The following EFEMP2 variants were observed in gnomAD, a reference collection of about 807,000 sequenced individuals.
EFEMP2 encodes EGF-containing fibulin-like extracellular matrix protein 2.
A neutral mutation model predicts 55.3 loss-of-function variants in EFEMP2; 21 were observed. The observed-to-expected ratio is 0.38, with a 90% CI of 0.27 to 0.55. The LOEUF is 0.55. Ranked by LOEUF, EFEMP2 falls within the 20% of genes least tolerant of loss-of-function variation. The probability of loss-of-function intolerance (pLI) is 0.77; values close to 1 mark genes in which losing one functional copy is unlikely to be tolerated. For missense variants in EFEMP2, 513 were observed against 615.1 expected, an observed-to-expected ratio of 0.83 and a Z score of 1.76; for synonymous variants, 275 against 242.3, an observed-to-expected ratio of 1.14 and a Z score of -1.25.
chr11:65,868,785 G>A lies in EFEMP2; in HGVS notation c.728-156C>T, dbSNP rs1419419813. On this transcript the variant is annotated intron_variant, in intron 7 of 10. Transcript: ENST00000307998. Reference sequence around the variant, plus strand: ...CACAAGTTCAGCCGGGAGATGGAGGGTTCAAAGAAAGTTTGCCCAGGCTGC... The same window carrying A: ...CACAAGTTCAGCCGGGAGATGGAGGATTCAAAGAAAGTTTGCCCAGGCTGC... The A allele has an allele frequency of 5.5e-6, 6 of 1,084,498 alleles. No individual in the cohort carries two copies. In the African/African-American group the frequency reaches 7.7e-5, roughly 14 times the overall value. 67.2% of individuals were successfully genotyped at this position (1,084,498 alleles called of 1,614,324 possible).
In EFEMP2 at chr11:65,869,078, T is replaced by C. The variant is rs1321369662; in HGVS notation, c.728-449A>G. 8 of 280,678 alleles carry C rather than the reference T, an allele frequency of 2.9e-5. No homozygotes were observed. In the East Asian group the frequency reaches 6.9e-4, roughly 24 times the overall value. The allele number at this position is 280,678 out of a possible 1,614,324, so 17.4% of individuals were successfully genotyped here. A position where few individuals can be genotyped will look rare whatever the true frequency, so the allele number is the denominator to read the frequency against. On this transcript the variant is annotated intron_variant, in intron 7 of 10. Coordinates refer to ENST00000307998, the MANE Select transcript of EFEMP2 (RefSeq NM_016938.5). ...CACAGGCAGAACATTTCCTTTCTCT[T>C]GTTCCCCTCATGCTGCCAGGTAGCA... is the stretch of plus-strand genomic sequence containing the variant.
rs1030814866 is a variant in EFEMP2, at chr11:65,867,331, T to C, written c.1171-252A>G. ...CCTGCTCTGTCTGACCCAGGCTAAC[T>C]GACGATTCAAGGCCACATGTGGCTC... On this transcript the variant is annotated intron_variant, in intron 10 of 10. Coordinates refer to ENST00000307998, the MANE Select transcript of EFEMP2 (RefSeq NM_016938.5). 7.1e-6 allele frequency: 4 copies of C among 567,156 alleles called. No homozygotes were observed. In the African/African-American group the frequency reaches 7.5e-5, roughly 11 times the overall value. 35.1% of individuals were successfully genotyped at this position (567,156 alleles called of 1,614,324 possible). A position where few individuals can be genotyped will look rare whatever the true frequency, so the allele number is the denominator to read the frequency against.
intron 4 of EFEMP2, 145 bp downstream of exon 4, chr11:65,871,012 C>T (rs1859955327): frequency 9.6e-6 from 10 of 1,040,894 alleles, no homozygotes; most frequent in South Asian, 2.8e-5. Context: ...GGGCCACCTG[C>T]GGCAGGTCCT....
Position 65,868,358 on chromosome 11 carries a change from T to C in EFEMP2, c.911A>G (p.His304Arg). 1 of 1,613,816 alleles carries C rather than the reference T, an allele frequency of 6.2e-7. No homozygotes were observed. Among genetic ancestry groups the C allele is most frequent in the Admixed American group, 1.7e-5 (1 of 60,018 alleles). Residue 304 changes from histidine (H) to arginine (R), a missense_variant, in exon 9 of 11, where the codon CAT (histidine) becomes CGT (arginine). Coordinates refer to ENST00000307998, the MANE Select transcript of EFEMP2 (RefSeq NM_016938.5). ...CSEAQTCVNF[H>R]GGYRCVDTNR... Reference sequence around the variant, plus strand: ...GGTGTCCACGCAGCGGTAGCCCCCATGGAAGTTGACACAGGTTTGGGCCTC... The same window carrying C: ...GGTGTCCACGCAGCGGTAGCCCCCACGGAAGTTGACACAGGTTTGGGCCTC...
chr11:65,872,148 A>G, intron 2 of EFEMP2, 96 bp downstream of exon 2: 1 of 1,486,892 alleles, frequency 6.7e-7, no homozygotes, highest in Non-Finnish European at 9.2e-7. Flanking sequence ...TCCACCAGCC[A>G]GGGGAGGAAG....
At chr11:65,868,946 T>G (rs1859915037) in intron 7 of EFEMP2, 1 of 395,518 alleles carries the variant, frequency 2.5e-6, no homozygotes, top group South Asian at 2.1e-5. Context: ...AATGAGTGTG[T>G]TAGACTAGAT....
At chr11:65,870,428 T>C (rs1194403155) in intron 5 of EFEMP2, 108 bp downstream of exon 5, 1 of 1,545,034 alleles carries the variant, frequency 6.5e-7, no homozygotes, top group Non-Finnish European at 8.9e-7. Context: ...GAGGGTGAGG[T>C]GGCAGGGGCC....
rs1398415449 is a variant in EFEMP2, at chr11:65,871,194, T to C, written c.330A>G (p.Pro110=). ...CCTGATCGTCGGGCTCATAGCCTGG[T>C]GGGCAGGGGTTGGGGTGTTGAGCGG... ...VPPAQHPNPC[P]PGYEPDDQDS... Residue 110 remains proline (P), a synonymous_variant, in exon 4 of 11, where the codon CCA becomes CCG. Coordinates refer to ENST00000307998, the MANE Select transcript of EFEMP2 (RefSeq NM_016938.5). 5 of 1,614,124 alleles carry C rather than the reference T, an allele frequency of 3.1e-6. No individual in the cohort carries two copies. The South Asian group carries it at 4.4e-5, about 14-fold the overall frequency.
intron 9 of EFEMP2, 46 bp from the exon 10 acceptor site, chr11:65,868,102 C>G: frequency 1.9e-6 from 3 of 1,598,682 alleles, no homozygotes; most frequent in Non-Finnish European, 2.6e-6. Flanking sequence ...CTTGCCCGTC[C>G]CCCCAATTTC....
rs1033270562 is a variant in EFEMP2, at chr11:65,867,091, T to C, written c.1171-12A>G. 4 of 1,613,704 alleles carry C rather than the reference T, an allele frequency of 2.5e-6. No individual in the cohort carries two copies. The highest frequency in any genetic ancestry group is 1.3e-5 in the African/African-American group (1 of 74,856). ...ACGTTGTTGATTTGCTGCAGGGCAGTGGGTGGGGGGACATATATATTGTGT... is the reference window on the plus strand; with the variant it reads ...ACGTTGTTGATTTGCTGCAGGGCAGCGGGTGGGGGGACATATATATTGTGT... On this transcript the variant is annotated splice_polypyrimidine_tract_variant and intron_variant, in intron 10 of 10. Transcript: ENST00000307998.
chr11:65,866,492 G>C lies in EFEMP2; in HGVS notation c.*426C>G. The stretch of plus-strand genomic sequence containing the variant: ...GAAAAACAGGCCCAGGGAACTACTA[G>C]GGCTTATCCAAATGTACAGTTTGAG... On this transcript the variant is annotated 3_prime_UTR_variant, in exon 11 of 11. Transcript: ENST00000307998. 2 of 702,692 alleles carry C rather than the reference G, an allele frequency of 2.8e-6. No homozygotes were observed. Among genetic ancestry groups the C allele is most frequent in the Non-Finnish European group, 5.2e-6 (2 of 384,974 alleles). 43.5% of individuals were successfully genotyped at this position (702,692 alleles called of 1,614,324 possible).
intron 3 of EFEMP2, chr11:65,871,603 C>A: frequency 1.7e-6 from 1 of 604,244 alleles, no homozygotes; most frequent in Non-Finnish European, 2.9e-6. Context: ...CTCTATCCCT[C>A]CCCACGGCCC....
Position 65,867,954 on chromosome 11 carries a change from G to C in EFEMP2, c.1077C>G (p.Asp359Glu), listed in dbSNP as rs758240045. 6.2e-7 allele frequency: 1 copy of C among 1,614,108 alleles called. No individual in the cohort carries two copies. Among genetic ancestry groups the C allele is most frequent in the East Asian group, 2.2e-5 (1 of 44,878 alleles). The change falls in exon 10 of 11, where the codon GAC becomes GAG. Residue 359 changes from aspartate to glutamate, a missense_variant. Coordinates refer to ENST00000307998, the MANE Select transcript of EFEMP2 (RefSeq NM_016938.5). ...CGGAGGTCGCCTGGATCTGGAACACGTCAGCGGGCACGCTCCGCTCCGAGG... is the reference window on the plus strand; with the variant it reads ...CGGAGGTCGCCTGGATCTGGAACACCTCAGCGGGCACGCTCCGCTCCGAGG... ...TITSERSVPADVFQIQATSVY... is the reference protein window; with the variant it reads ...TITSERSVPAEVFQIQATSVY...
rs771589109 is a variant in EFEMP2 at position 65,871,439 on chromosome 11, C to T, written c.161-76G>A. On this transcript the variant is annotated intron_variant, in intron 3 of 10. Coordinates refer to ENST00000307998, the MANE Select transcript of EFEMP2 (RefSeq NM_016938.5). ...AGGGAGCGGAGGCAGGAACCCAGCT[C>T]GGCCTTCTCTGAGATGTGTGGCCCC... is the stretch of plus-strand genomic sequence containing the variant. The T allele has an allele frequency of 2.3e-5, 32 of 1,417,780 alleles. No individual in the cohort carries two copies. The South Asian group carries it at 2.3e-4, about 10-fold the overall frequency. 87.8% of individuals were successfully genotyped at this position (1,417,780 alleles called of 1,614,324 possible).
rs57685603 is a variant in EFEMP2, at chr11:65,868,022, G to A, written c.1009C>T (p.Arg337Ter). 1.2e-6 allele frequency: 2 copies of A among 1,613,822 alleles called. No individual in the cohort carries two copies. The highest frequency in any genetic ancestry group is 2.7e-5 in the African/African-American group (2 of 74,914). ...TGCACAATGGATGAAGGCTGCTCTC[G>A]ACATAGAGGGTTGGAGGCCGGGCAG... is the stretch of plus-strand genomic sequence containing the variant. ...CLCPASNPLCREQPSSIVHRY... is the reference protein window; with the variant it reads ...CLCPASNPLC Residue 337 changes from arginine to a stop codon, truncating the protein, a stop_gained, in exon 10 of 11, where the codon CGA (arginine) becomes TGA (stop). Transcript: ENST00000307998. LOFTEE classifies it high-confidence loss of function.
At chr11:65,871,795 C>G in intron 3 of EFEMP2, 175 bp downstream of exon 3, 1 of 779,660 alleles carries the variant, frequency 1.3e-6, no homozygotes, top group Non-Finnish European at 2.1e-6. Flanking sequence ...ATGAGGCCAC[C>G]CCTAGCTCAA....
Position 65,867,090 on chromosome 11 carries a change from G to A in EFEMP2, c.1171-11C>T, listed in dbSNP as rs768502421. On this transcript the variant is annotated splice_polypyrimidine_tract_variant and intron_variant, in intron 10 of 10. Transcript: ENST00000307998. ...GACGTTGTTGATTTGCTGCAGGGCA[G>A]TGGGTGGGGGGACATATATATTGTG... 6.2e-6 allele frequency: 10 copies of A among 1,613,986 alleles called. No homozygotes were observed. Among genetic ancestry groups the A allele is most frequent in the Non-Finnish European group, 8.5e-6 (10 of 1,180,032 alleles).
intron 3 of EFEMP2, chr11:65,871,639 G>A: frequency 1.7e-6 from 1 of 597,502 alleles, no homozygotes. Flanking sequence ...CCAAGATGGG[G>A]GGCCTCCTTA....
rs952250129 is a variant in EFEMP2 at position 65,867,454 on chromosome 11, C to T, written c.1171-375G>A. 5 of 427,694 alleles carry T rather than the reference C, an allele frequency of 1.2e-5. No homozygotes were observed. In the Admixed American group the frequency reaches 1.4e-4, roughly 12 times the overall value. The allele number at this position is 427,694 out of a possible 1,614,324, so 26.5% of individuals were successfully genotyped here. A position where few individuals can be genotyped will look rare whatever the true frequency, so the allele number is the denominator to read the frequency against. On this transcript the variant is annotated intron_variant, in intron 10 of 10. Coordinates refer to ENST00000307998, the MANE Select transcript of EFEMP2 (RefSeq NM_016938.5). ...GAGAAGGGCTGGTACTAGACAAACCCCTTCTCCTGCTGAGACCCATGCATG... is the reference window on the plus strand; with the variant it reads ...GAGAAGGGCTGGTACTAGACAAACCTCTTCTCCTGCTGAGACCCATGCATG...
Sources: gnomAD v4.1 joint callset for allele counts on GRCh38, gnomAD v4.1.1 for gene constraint, MANE v1.5 for transcripts, NCBI Gene and HGNC (gene_info 2026-07-23, HGNC 2026-07-21) for gene names.